PTPRG: variants seen among roughly 807,000 people sequenced by gnomAD.
The protein encoded by PTPRG is receptor-type tyrosine-protein phosphatase gamma.
PTPRG carries 102 observed loss-of-function variants against 165.3 expected under a neutral mutation model. The observed-to-expected ratio is 0.62, with a 90% CI of 0.53 to 0.73. The LOEUF is 0.73. PTPRG is among the 30% of genes least tolerant of loss of function. The pLI is 0.00. For synonymous variants in PTPRG, 675 were observed against 669.5 expected (o/e 1.01, Z -0.13); for missense variants, 1,866 against 1,861.4 (o/e 1.00, Z -0.05).
rs1700413597 is a variant in PTPRG, at chr3:62,213,400, A to C, written c.2156-5451A>C. On this transcript the variant is annotated intron_variant, in intron 12 of 29. Coordinates refer to ENST00000474889, the MANE Select transcript of PTPRG (RefSeq NM_002841.4). The surrounding 1 kb of genome is among the most constrained non-coding windows in gnomAD (Gnocchi z 4.4). ...GTCACCTTCTCAAAACTCTTTTATA[A>C]CTTTCGAATGGGCCCCATGATTTCA... Among the ~76,000 whole-genome samples the C allele has an allele frequency of 6.6e-6, 1 of 152,032 alleles. No individual in the cohort carries two copies. The highest frequency in any genetic ancestry group is 1.5e-5 in the Non-Finnish European group (1 of 68,008).
intron 1 of PTPRG, among the ~76,000 whole-genome samples, chr3:61,700,014 T>C (rs2106699827): frequency 6.6e-6 from 1 of 152,284 alleles, no homozygotes; most frequent in South Asian, 2.1e-4. Flanking sequence ...GTCAGTGATA[T>C]CTGGGATTCT....
intron 4 of PTPRG, among the ~76,000 whole-genome samples, chr3:62,060,733 A>T (rs940615971): frequency 2.6e-5 from 4 of 152,248 alleles, no homozygotes; most frequent in African/African-American, 9.6e-5. Flanking sequence ...GGTATGGAGT[A>T]GAAATTGAAG....
At chr3:61,665,357 T>C (rs4688263) in intron 1 of PTPRG, among the ~76,000 whole-genome samples, 150,508 of 152,160 alleles carry the variant, frequency 0.99, 74,466 homozygotes, top group East Asian at 1. Context: ...GTCAATGATT[T>C]TTTTATAGCG....
intron 2 of PTPRG, among the ~76,000 whole-genome samples, chr3:61,944,594 A>G (rs770023730): frequency 1.3e-5 from 2 of 152,168 alleles, no homozygotes; most frequent in Admixed American, 6.5e-5. Flanking sequence ...CTCGCGCTAC[A>G]TGATAATCTG....
intron 2 of PTPRG, among the ~76,000 whole-genome samples, chr3:61,796,698 A>G (rs2035055543): frequency 6.6e-6 from 1 of 152,158 alleles, no homozygotes; most frequent in African/African-American, 2.4e-5. Context: ...TTTAGGTCAT[A>G]GATTTTGTGT....
At chr3:61,912,776 C>G (rs1404587187) in intron 2 of PTPRG, among the ~76,000 whole-genome samples, 2 of 152,128 alleles carry the variant, frequency 1.3e-5, no homozygotes, top group Non-Finnish European at 2.9e-5. Flanking sequence ...TTATGCAGAG[C>G]CTGGAATCAT....
chr3:61,996,776 C>G (rs1256973605), intron 3 of PTPRG, among the ~76,000 whole-genome samples: 2 of 152,142 alleles, frequency 1.3e-5, no homozygotes, highest in African/African-American at 4.8e-5. Context: ...CTAATACTAT[C>G]CAGCTTTGCC....
intron 1 of PTPRG, among the ~76,000 whole-genome samples, chr3:61,597,863 T>G (rs1700743051): frequency 1.3e-5 from 2 of 152,214 alleles, no homozygotes; most frequent in South Asian, 4.1e-4. Flanking sequence ...TTTATCCTCT[T>G]AAAGCATTTT....
Position 62,233,664 on chromosome 3 carries a change from A to G in PTPRG, c.2375+2353A>G, listed in dbSNP as rs1197545738. Among the ~76,000 whole-genome samples, 1 of 152,178 alleles carries G rather than the reference A, an allele frequency of 6.6e-6. No individual in the cohort carries two copies. Among genetic ancestry groups the G allele is most frequent in the Non-Finnish European group, 1.5e-5 (1 of 68,024 alleles). ...AAGAGCTGTTACAGAATCCCTACAC[A>G]TTAACTTCATGTGGCATTACTCTTC... On this transcript the variant is annotated intron_variant, in intron 14 of 29. Coordinates refer to ENST00000474889, the MANE Select transcript of PTPRG (RefSeq NM_002841.4). This position sits in a 1 kb window ranked among gnomAD's most constrained non-coding sequence, Gnocchi z 4.7.
At chr3:61,903,282 G>A (rs1367013326) in intron 2 of PTPRG, among the ~76,000 whole-genome samples, 1 of 152,130 alleles carries the variant, frequency 6.6e-6, no homozygotes, top group Non-Finnish European at 1.5e-5. Context: ...ACCACCTCAG[G>A]CTTTCTGCAT....
chr3:61,950,284 G>A (rs1055979279), intron 2 of PTPRG, among the ~76,000 whole-genome samples: 1 of 151,836 alleles, frequency 6.6e-6, no homozygotes, highest in African/African-American at 2.4e-5. Flanking sequence ...TTCCTCTTAT[G>A]CCCCTGCAGT....
chr3:61,898,887 G>A (rs2038429363), intron 2 of PTPRG, among the ~76,000 whole-genome samples: 1 of 152,112 alleles, frequency 6.6e-6, no homozygotes, highest in Non-Finnish European at 1.5e-5. Flanking sequence ...TGGACAACTT[G>A]CTCAATCCCT....
chr3:61,638,235 A>G (rs535355292), intron 1 of PTPRG, among the ~76,000 whole-genome samples: 12 of 152,258 alleles, frequency 7.9e-5, no homozygotes, highest in African/African-American at 2.9e-4. Flanking sequence ...TTTAGTATTT[A>G]AGAGCACCCA....
chr3:62,280,633 T>G (rs1410677755), intron 26 of PTPRG, among the ~76,000 whole-genome samples: 1 of 152,006 alleles, frequency 6.6e-6, no homozygotes, highest in East Asian at 1.9e-4. Flanking sequence ...GCTAGAGCCA[T>G]GATGGAAAAC....
chr3:62,107,386 G>C (rs1049137403), intron 5 of PTPRG, among the ~76,000 whole-genome samples: 11 of 152,222 alleles, frequency 7.2e-5, no homozygotes, highest in African/African-American at 2.7e-4. Flanking sequence ...TATGCCTACA[G>C]CATGATAGAT....
chr3:62,236,013 T>TA (rs1175112769), intron 14 of PTPRG, among the ~76,000 whole-genome samples: 2 of 152,176 alleles, frequency 1.3e-5, no homozygotes, highest in Non-Finnish European at 2.9e-5. Flanking sequence ...ATTTGGAAAA[T>TA]ATGGCCACTA....
At chr3:61,746,102 G>C (rs2033190178) in intron 1 of PTPRG, among the ~76,000 whole-genome samples, 1 of 149,786 alleles carries the variant, frequency 6.7e-6, no homozygotes, top group Non-Finnish European at 1.5e-5. Flanking sequence ...AGGCTGGAGT[G>C]GAGTGGCACA....
intron 5 of PTPRG, among the ~76,000 whole-genome samples, chr3:62,104,974 T>C (rs1413044959): frequency 6.6e-6 from 1 of 152,228 alleles, no homozygotes; most frequent in Non-Finnish European, 1.5e-5. Flanking sequence ...ATTTTTAGTT[T>C]GCCTATTCAT....
chr3:61,838,412 G>C, intron 2 of PTPRG, among the ~76,000 whole-genome samples: 1 of 152,240 alleles, frequency 6.6e-6, no homozygotes, highest in East Asian at 1.9e-4. Flanking sequence ...TTCAAAATAA[G>C]ATGGCCAAAT....
Sources: gnomAD v4.1 joint callset for allele counts (sites outside exome capture counted in the v4.1 genomes callset) on GRCh38, gnomAD v4.1.1 for gene constraint, Gnocchi (gnomAD v3.1) non-coding constraint, MANE v1.5 for transcripts, NCBI Gene and HGNC (gene_info 2026-07-23, HGNC 2026-07-21) for gene names.